Variants in TXLNB observed in about 807,000 individuals in gnomAD.
The protein encoded by TXLNB is taxilin beta.
A neutral mutation model predicts 57.4 loss-of-function variants in TXLNB; 37 were observed. The observed-to-expected ratio is 0.64, with a 90% CI of 0.50 to 0.85. The LOEUF is 0.85. TXLNB is among the 40% of genes least tolerant of loss of function. The pLI, the probability that TXLNB is intolerant of heterozygous loss-of-function variation, is 0.00. For missense variants in TXLNB, 848 were observed against 825.6 expected, an observed-to-expected ratio of 1.03 and a Z score of -0.33; for synonymous variants, 302 against 309.6, an observed-to-expected ratio of 0.98 and a Z score of 0.26.
chr6:139,231,229 A>G, the TXLNB span, among the ~76,000 whole-genome samples: 103,172 of 152,070 alleles, frequency 0.68, 36,237 homozygotes, highest in East Asian at 0.81. Flanking sequence ...ATTTCTAATA[A>G]ACATGCTGTC....
the TXLNB span, among the ~76,000 whole-genome samples, chr6:139,233,411 T>TTA: frequency 6.1e-4 from 12 of 19,550 alleles, no homozygotes; most frequent in Admixed American, 4.8e-3. Context: ...TTATATAAAT[T>TTA]TATATATATA....
upstream of TXLNB, among the ~76,000 whole-genome samples, chr6:139,295,719 C>T (rs1373789615): frequency 2.6e-5 from 4 of 152,074 alleles, no homozygotes; most frequent in Non-Finnish European, 4.4e-5. Context: ...TTTCTCCTCT[C>T]TTCATTTTCC....
At chr6:139,167,483 G>A in the TXLNB span, among the ~76,000 whole-genome samples, 2 of 152,274 alleles carry the variant, frequency 1.3e-5, no homozygotes, top group African/African-American at 2.4e-5. Flanking sequence ...GCCCAGTGAC[G>A]CGGTGATTTT....
At chr6:139,300,667 C>T in the TXLNB span, among the ~76,000 whole-genome samples, 5 of 152,100 alleles carry the variant, frequency 3.3e-5, no homozygotes, top group South Asian at 8.3e-4. Context: ...GGGAGGCTGA[C>T]GTGGTGGATC....
At chr6:139,212,413 C>G in the TXLNB span, among the ~76,000 whole-genome samples, 1 of 152,124 alleles carries the variant, frequency 6.6e-6, no homozygotes, top group East Asian at 1.9e-4. Flanking sequence ...AAATACTTCA[C>G]AGACAAGCAA....
chr6:139,303,624 G>A, the TXLNB span, among the ~76,000 whole-genome samples: 1 of 151,634 alleles, frequency 6.6e-6, no homozygotes, highest in Non-Finnish European at 1.5e-5. Context: ...AAGAATATAA[G>A]TAATTATAAA....
At chr6:139,185,124 T>G in the TXLNB span, among the ~76,000 whole-genome samples, 1 of 152,056 alleles carries the variant, frequency 6.6e-6, no homozygotes, top group Non-Finnish European at 1.5e-5. Flanking sequence ...AACCCCATGG[T>G]TCTGAAAAGA....
the TXLNB span, among the ~76,000 whole-genome samples, chr6:139,226,302 CAAAA>C: frequency 1.0e-3 from 40 of 39,240 alleles, no homozygotes; most frequent in East Asian, 0.011. Flanking sequence ...GACCCTGTCT[CAAAA>C]AAAAAAAAAA....
the TXLNB span, among the ~76,000 whole-genome samples, chr6:139,308,274 T>C: frequency 6.6e-6 from 1 of 152,180 alleles, no homozygotes; most frequent in Admixed American, 6.5e-5. Flanking sequence ...GAGAAAAGTA[T>C]GGATGGATCC....
At chr6:139,286,313 C>G (rs938501024) in intron 2 of TXLNB, among the ~76,000 whole-genome samples, 1 of 150,222 alleles carries the variant, frequency 6.7e-6, no homozygotes, top group Non-Finnish European at 1.5e-5. Context: ...ATCTACCTGT[C>G]AAGCTTTGTC....
chr6:139,219,422 G>A, the TXLNB span, among the ~76,000 whole-genome samples: 2 of 152,318 alleles, frequency 1.3e-5, no homozygotes, highest in South Asian at 2.1e-4. Flanking sequence ...GCAGCCGCAC[G>A]GAGGCTGTAT....
intron 4 of TXLNB, among the ~76,000 whole-genome samples, chr6:139,266,584 C>G (rs1036973450): frequency 3.3e-5 from 5 of 152,230 alleles, no homozygotes; most frequent in Admixed American, 2.0e-4. Context: ...AATGTGAAGA[C>G]TGACTCGAAG....
intron 7 of TXLNB, among the ~76,000 whole-genome samples, chr6:139,252,871 G>C (rs888812604): frequency 1.1e-4 from 17 of 152,104 alleles, no homozygotes; most frequent in Non-Finnish European, 1.8e-4. Context: ...GGTGCCTGTA[G>C]TCCCGGCTAC....
At chr6:139,303,525 GTAAC>G in the TXLNB span, among the ~76,000 whole-genome samples, 2 of 152,042 alleles carry the variant, frequency 1.3e-5, no homozygotes, top group African/African-American at 4.8e-5. Flanking sequence ...AAAAACAAAA[GTAAC>G]TATGTAGAAA....
At chr6:139,288,366 T>A in intron 2 of TXLNB, 110 bp downstream of exon 2, 1 of 1,041,912 alleles carries the variant, frequency 9.6e-7, no homozygotes, top group Non-Finnish European at 1.4e-6. Flanking sequence ...TATAGAAGGC[T>A]ACTACAGTCA....
At chr6:139,300,636 C>T in the TXLNB span, among the ~76,000 whole-genome samples, 5 of 152,144 alleles carry the variant, frequency 3.3e-5, no homozygotes, top group Admixed American at 6.6e-5. Context: ...CGGTGGCTCA[C>T]GCCTGTAATC....
rs897225534 is a variant in TXLNB at position 139,242,486 on chromosome 6, G to A, written c.*40C>T. On this transcript the variant is annotated 3_prime_UTR_variant, in exon 10 of 10. Transcript: ENST00000358430. ...GAAGACAAGCTGTTATGCTGAATAT[G>A]CAAAGAGGCAGGAAGAAGCCTCTGA... 1.4e-6 allele frequency: 2 copies of A among 1,445,526 alleles called. No individual in the cohort carries two copies. Among genetic ancestry groups the A allele is most frequent in the Admixed American group, 2.6e-5 (1 of 38,430 alleles). The allele number at this position is 1,445,526 out of a possible 1,614,324, so 89.5% of individuals were successfully genotyped here. A position where few individuals can be genotyped will look rare whatever the true frequency, so the allele number is the denominator to read the frequency against.
At chr6:139,293,390 T>C (rs1243091465), upstream of TXLNB, among the ~76,000 whole-genome samples, 1 of 152,004 alleles carries the variant, frequency 6.6e-6, no homozygotes, top group African/African-American at 2.4e-5. Flanking sequence ...GCACTCAGCC[T>C]CATAAGGGTC....
rs139597957 is a variant in TXLNB at position 139,252,982 on chromosome 6, A to T, written c.1077+2582T>A. ...ACTCCAGCCTGGGCAACAGAGTGAG[A>T]CACCGTCTCAAAAACAAACAAAAAA... On this transcript the variant is annotated intron_variant, in intron 7 of 9. Transcript: ENST00000358430. 1.9e-4 allele frequency among the ~76,000 whole-genome samples: 29 copies of T among 152,328 alleles called. No individual in the cohort carries two copies. The East Asian group carries it at 4.3e-3, about 22-fold the overall frequency.
Sources: allele counts gnomAD v4.1 joint callset (sites outside exome capture counted in the v4.1 genomes callset), GRCh38; gene constraint gnomAD v4.1.1; transcripts MANE v1.5; gene names NCBI Gene and HGNC (gene_info 2026-07-23, HGNC 2026-07-21).